The following MICU1 variants were observed in gnomAD, a reference collection of about 807,000 sequenced individuals.
MICU1 encodes mitochondrial calcium uptake 1.
Under a neutral mutation model 56.8 loss-of-function variants are expected in MICU1, and 45 were observed. That is an observed-to-expected ratio of 0.79 (90% CI 0.62 to 1.02). MICU1 has a LOEUF of 1.02. MICU1 is among the 50% of genes least tolerant of loss of function. MICU1 has a pLI of 0.00. For missense variants in MICU1, 504 were observed against 587.1 expected (o/e 0.86, Z 1.46); for synonymous variants, 186 against 195.1 (o/e 0.95, Z 0.39).
In MICU1 at chr10:72,597,798, C is replaced by A. The variant is rs1430703482; in HGVS notation, c.-2+28212G>T. Among the ~76,000 whole-genome samples, 3 of 152,086 alleles carry A rather than the reference C, an allele frequency of 2.0e-5. No individual in the cohort carries two copies. The East Asian group carries it at 5.8e-4, about 29-fold the overall frequency. On this transcript the variant is annotated intron_variant, in intron 1 of 11. Transcript: ENST00000361114. ...AAAGATATATTGCAGCTGAAGGAGG[C>A]TGGATTGGTCTCCTTTCCCTTGGGG...
At chr10:72,503,652 T>C (rs1479043201) in intron 6 of MICU1, among the ~76,000 whole-genome samples, 1 of 152,002 alleles carries the variant, frequency 6.6e-6, no homozygotes, top group Non-Finnish European at 1.5e-5. Flanking sequence ...GGCATCCAAA[T>C]AGGGAAATAA....
At chr10:72,596,670 C>T (rs1409734155) in intron 1 of MICU1, among the ~76,000 whole-genome samples, 2 of 151,556 alleles carry the variant, frequency 1.3e-5, no homozygotes, top group Admixed American at 6.6e-5. Flanking sequence ...GTCAGGAGTT[C>T]GGGACCACCC....
intron 3 of MICU1, among the ~76,000 whole-genome samples, chr10:72,552,362 C>T (rs1210883066): frequency 2.0e-5 from 3 of 152,058 alleles, no homozygotes; most frequent in African/African-American, 7.2e-5. Context: ...ACACCAGCCA[C>T]ATAATATTTT....
At chr10:72,616,816 C>G (rs1221302438) in intron 1 of MICU1, among the ~76,000 whole-genome samples, 1 of 152,176 alleles carries the variant, frequency 6.6e-6, no homozygotes, top group Non-Finnish European at 1.5e-5. Context: ...CTGAAGTTCT[C>G]CCTCTCTGCA....
intron 6 of MICU1, chr10:72,477,675 C>G: frequency 1.3e-6 from 1 of 785,878 alleles, no homozygotes; most frequent in Non-Finnish European, 2.0e-6. Flanking sequence ...ACATCTTAGT[C>G]TTACCCTCAC....
intron 9 of MICU1, among the ~76,000 whole-genome samples, chr10:72,421,752 C>T (rs1428663511): frequency 6.6e-6 from 1 of 152,202 alleles, no homozygotes. Context: ...GCTTGCTCTT[C>T]TCCAAACTAT....
At chr10:72,508,063 A>G (rs1867313969) in intron 6 of MICU1, 92 bp downstream of exon 6, 1 of 564,232 alleles carries the variant, frequency 1.8e-6, no homozygotes, top group African/African-American at 1.9e-5. Flanking sequence ...CATTAACTCT[A>G]CCAATATGTC....
intron 6 of MICU1, among the ~76,000 whole-genome samples, chr10:72,504,756 A>G (rs1411856735): frequency 9.9e-5 from 15 of 152,180 alleles, no homozygotes; most frequent in African/African-American, 3.6e-4. Context: ...TCCAGAATCT[A>G]TAAGGAGCTT....
intron 8 of MICU1, among the ~76,000 whole-genome samples, chr10:72,459,317 C>T (rs902934384): frequency 6.6e-6 from 1 of 152,008 alleles, no homozygotes; most frequent in Non-Finnish European, 1.5e-5. Context: ...GGCGGCAGAG[C>T]GAGACTCCAT....
At position 72,548,912 on chromosome 10, in the gene MICU1, G is replaced by T. The variant is rs558010978; in HGVS notation, c.493+2267C>A. ...GGGTTTTGCCATGTTGGCCAGGCTG[G>T]TCTCTAATGCCTAACCTCAAGAGAT... is the stretch of plus-strand genomic sequence containing the variant. On this transcript the variant is annotated intron_variant, in intron 4 of 11. Coordinates refer to ENST00000361114, the MANE Select transcript of MICU1 (RefSeq NM_001195518.2). 3.7e-4 allele frequency among the ~76,000 whole-genome samples: 56 copies of T among 152,224 alleles called. No individual in the cohort carries two copies. In the South Asian group the frequency reaches 0.012, roughly 32 times the overall value.
At chr10:72,372,674 A>G (rs1862383884) in intron 11 of MICU1, among the ~76,000 whole-genome samples, 1 of 152,082 alleles carries the variant, frequency 6.6e-6, no homozygotes, top group South Asian at 2.1e-4. Context: ...CCCTGTCTCT[A>G]CTAAAAATAC....
chr10:72,591,120 A>G (rs1036408444), intron 1 of MICU1, among the ~76,000 whole-genome samples: 11 of 152,184 alleles, frequency 7.2e-5, no homozygotes, highest in African/African-American at 2.7e-4. Context: ...TGTGAAAATT[A>G]ACAATACACT....
chr10:72,455,350 C>CCAAAA (rs1266151652), intron 8 of MICU1, among the ~76,000 whole-genome samples: 1 of 44,204 alleles, frequency 2.3e-5, no homozygotes, highest in African/African-American at 6.7e-5. Flanking sequence ...GACTCTGTCT[C>CCAAAA]AAAAAAAAAA....
chr10:72,550,253 ATTAC>A (rs1417936571), intron 4 of MICU1, among the ~76,000 whole-genome samples: 2 of 152,300 alleles, frequency 1.3e-5, no homozygotes, highest in African/African-American at 4.8e-5. Flanking sequence ...TGGATATACA[ATTAC>A]TTACCATTGT....
At chr10:72,461,828 G>C (rs181790252) in intron 8 of MICU1, among the ~76,000 whole-genome samples, 2 of 152,290 alleles carry the variant, frequency 1.3e-5, no homozygotes, top group Admixed American at 6.5e-5. Context: ...GTGGGCACCT[G>C]TAGTTCAGTT....
chr10:72,560,225 T>C (rs1184804273), intron 3 of MICU1: 1 of 152,276 alleles, frequency 6.6e-6, no homozygotes, highest in African/African-American at 2.4e-5. Context: ...CTCTCCTGCC[T>C]TCAGTCTATG....
At chr10:72,401,979 C>T (rs1258033416) in intron 10 of MICU1, among the ~76,000 whole-genome samples, 5 of 150,304 alleles carry the variant, frequency 3.3e-5, no homozygotes, top group Admixed American at 3.3e-4. Flanking sequence ...ATTAGAAAAT[C>T]TTAAGGAATC....
At chr10:72,518,192 C>T (rs1397144068) in intron 5 of MICU1, among the ~76,000 whole-genome samples, 3 of 151,872 alleles carry the variant, frequency 2.0e-5, no homozygotes, top group Non-Finnish European at 2.9e-5. Context: ...GCTACCACAC[C>T]CAGCTAATTT....
intron 6 of MICU1, among the ~76,000 whole-genome samples, chr10:72,504,241 A>C (rs1288305334): frequency 6.6e-6 from 1 of 152,248 alleles, no homozygotes; most frequent in Non-Finnish European, 1.5e-5. Flanking sequence ...ATAAAGCTAC[A>C]GTAACCAAAA....
Sources: allele counts gnomAD v4.1 joint callset (sites outside exome capture counted in the v4.1 genomes callset), GRCh38; gene constraint gnomAD v4.1.1; transcripts MANE v1.5; gene names NCBI Gene and HGNC (gene_info 2026-07-23, HGNC 2026-07-21).